OSGIN1: variants seen among roughly 807,000 people sequenced by gnomAD.
The protein encoded by OSGIN1 is oxidative stress induced growth inhibitor 1.
OSGIN1 carries 19 observed loss-of-function variants against 20.1 expected under a neutral mutation model. The observed-to-expected ratio is 0.95, with a 90% CI of 0.66 to 1.39. The LOEUF is 1.39. Among genes scored for constraint, OSGIN1 ranks in the 40% most tolerant of loss-of-function variants. The probability of loss-of-function intolerance (pLI) is 0.00; values close to 1 mark genes in which losing one functional copy is unlikely to be tolerated. For synonymous variants in OSGIN1, 368 were observed against 297.8 expected (o/e 1.24, Z -2.43); for missense variants, 820 against 653.0 (o/e 1.26, Z -2.79).
Position 83,965,697 on chromosome 16 carries a change from C to T in OSGIN1, c.1124C>T (p.Ala375Val). The change falls in exon 6 of 6, where the codon GCC becomes GTC. Residue 375 changes from alanine (A) to valine (V), a missense_variant. Coordinates refer to ENST00000393306, the MANE Select transcript of OSGIN1 (RefSeq NM_182981.3). ...CTGTGCTTCAAGGAAGACTGCCAGG[C>T]CGTGTTCCAGGACCTCGAGGGTGTC... ...QLLCFKEDCQ[A>V]VFQDLEGVEK... 1 of 1,613,662 alleles carries T rather than the reference C, an allele frequency of 6.2e-7. No individual in the cohort carries two copies. Among genetic ancestry groups the T allele is most frequent in the Non-Finnish European group, 8.5e-7 (1 of 1,180,020 alleles).
rs970156712 is a variant in OSGIN1 at position 83,966,253 on chromosome 16, C to A, written c.*246C>A. 6 of 536,662 alleles carry A rather than the reference C, an allele frequency of 1.1e-5. No individual in the cohort carries two copies. In the Admixed American group the frequency reaches 1.8e-4, roughly 16 times the overall value. The allele number at this position is 536,662 out of a possible 1,614,324, so 33.2% of individuals were successfully genotyped here. A position where few individuals can be genotyped will look rare whatever the true frequency, so the allele number is the denominator to read the frequency against. ...TTTGTGGGGAAAGCTGCTGGTGTGA[C>A]CAGCTGAGCACCCAGCCAGGAGACC... On this transcript the variant is annotated 3_prime_UTR_variant, in exon 6 of 6. Transcript: ENST00000393306.
chr16:83,960,109 T>C (rs1446879550), intron 3 of OSGIN1, among the ~76,000 whole-genome samples: 1 of 152,146 alleles, frequency 6.6e-6, no homozygotes, highest in Admixed American at 6.5e-5. Flanking sequence ...TTCAAAGTGC[T>C]CTCTATAGAA....
In OSGIN1 at chr16:83,965,125, C is replaced by A. The variant is rs1384432780; in HGVS notation, c.552C>A (p.Val184=). Residue 184 remains valine (V), a synonymous_variant, in exon 6 of 6, where the codon GTC becomes GTA. Coordinates refer to ENST00000393306, the MANE Select transcript of OSGIN1 (RefSeq NM_182981.3). ...DIAHYYRDYV[V]KKGLGHNFVS... Reference sequence around the variant, plus strand: ...CCCACTACTACAGGGACTACGTGGTCAAGAAGGGTCTGGGGCATAACTTTG... The same window carrying A: ...CCCACTACTACAGGGACTACGTGGTAAAGAAGGGTCTGGGGCATAACTTTG... The A allele has an allele frequency of 6.2e-7, 1 of 1,613,364 alleles. No individual in the cohort carries two copies. The highest frequency in any genetic ancestry group is 1.1e-5 in the South Asian group (1 of 91,064).
At chr16:83,963,948 G>A (rs988868382) in intron 5 of OSGIN1, among the ~76,000 whole-genome samples, 1 of 148,738 alleles carries the variant, frequency 6.7e-6, no homozygotes, top group Non-Finnish European at 1.5e-5. Flanking sequence ...CTGCTGCGTG[G>A]GCTGGGAACG....
chr16:83,962,649 C>A (rs1048544908), intron 5 of OSGIN1, among the ~76,000 whole-genome samples: 2 of 152,182 alleles, frequency 1.3e-5, no homozygotes, highest in African/African-American at 4.8e-5. Flanking sequence ...TGGCTGTATA[C>A]GTTAGGGAGA....
At chr16:83,960,901 G>C in intron 4 of OSGIN1, 80 bp from the exon 5 acceptor site, 1 of 1,528,146 alleles carries the variant, frequency 6.5e-7, no homozygotes, top group Non-Finnish European at 9.0e-7. Flanking sequence ...CCCAGCCCCA[G>C]CAAAGGCCTC....
Position 83,960,695 on chromosome 16 carries a change from C to T in OSGIN1, c.331C>T (p.His111Tyr), listed in dbSNP as rs569282065. 7 of 1,613,612 alleles carry T rather than the reference C, an allele frequency of 4.3e-6. No individual in the cohort carries two copies. Among genetic ancestry groups the T allele is most frequent in the Middle Eastern group, 1.6e-4 (1 of 6,062 alleles). The change falls in exon 4 of 6, where the codon CAC becomes TAC. Residue 111 changes from histidine to tyrosine, a missense_variant. By Grantham distance (83) the His-to-Tyr change is moderately conservative. Coordinates refer to ENST00000393306, the MANE Select transcript of OSGIN1 (RefSeq NM_182981.3). ...GNMKSVLTWK[H>Y]RKEHAIPHVV... ...CATGAAGTCGGTCCTCACCTGGAAGCACCGGAAGGAGCACGCCATCCCCCA... is the reference window on the plus strand; with the variant it reads ...CATGAAGTCGGTCCTCACCTGGAAGTACCGGAAGGAGCACGCCATCCCCCA...
chr16:83,954,767 G>T, intron 1 of OSGIN1: 1 of 984,644 alleles, frequency 1.0e-6, no homozygotes. Flanking sequence ...GTAAACCAGT[G>T]TCCTCTGCTG....
intron 5 of OSGIN1, 123 bp from the exon 6 acceptor site, chr16:83,964,939 A>G: frequency 1.4e-6 from 1 of 694,238 alleles, no homozygotes; most frequent in South Asian, 1.8e-5. Flanking sequence ...TACCTGGCCT[A>G]GTCCTACAGC....
chr16:83,961,508 C>T (rs10153054), intron 5 of OSGIN1, among the ~76,000 whole-genome samples: 12,544 of 152,158 alleles, frequency 0.082, 959 homozygotes, highest in African/African-American at 0.19. Flanking sequence ...TGGCCCTCAG[C>T]AGTTCTCAGC....
In OSGIN1 at chr16:83,959,244, C is replaced by T. The variant is rs1909084397; in HGVS notation, c.68-16C>T. The T allele has an allele frequency of 4.3e-6, 7 of 1,611,464 alleles. No homozygotes were observed. Among genetic ancestry groups the T allele is most frequent in the Non-Finnish European group, 5.9e-6 (7 of 1,178,432 alleles). On this transcript the variant is annotated splice_polypyrimidine_tract_variant and intron_variant, in intron 2 of 5. Transcript: ENST00000393306. ...TGAAAAGGCCACCCCCTTTAACCTC[C>T]ACCCTCTCTCCCCAGGTAACGGCCC...
At chr16:83,956,502 C>T (rs903821181) in intron 1 of OSGIN1, among the ~76,000 whole-genome samples, 3 of 152,146 alleles carry the variant, frequency 2.0e-5, no homozygotes, top group African/African-American at 7.2e-5. Flanking sequence ...CTGGATGGGC[C>T]CTGGATCTCG....
At position 83,965,817 on chromosome 16, in the gene OSGIN1, A is replaced by T; in HGVS notation, c.1244A>T (p.Asp415Val). 1 of 1,612,732 alleles carries T rather than the reference A, an allele frequency of 6.2e-7. No individual in the cohort carries two copies. The change falls in exon 6 of 6, where the codon GAT becomes GTT. Residue 415 changes from aspartate (D) to valine (V), a missense_variant. Coordinates refer to ENST00000393306, the MANE Select transcript of OSGIN1 (RefSeq NM_182981.3). ...LPGAGADFAVDPDQPLSAKRN... is the reference protein window; with the variant it reads ...LPGAGADFAVVPDQPLSAKRN... ...GGGGCAGGGGCTGACTTTGCAGTGG[A>T]TCCTGACCAGCCGCTGAGCGCCAAG...
rs977567416 is a variant in OSGIN1 at position 83,965,543 on chromosome 16, C to G, written c.970C>G (p.Leu324Val). The change falls in exon 6 of 6, where the codon CTG (leucine) becomes GTG (valine). Residue 324 changes from leucine (L) to valine (V), a missense_variant. Coordinates refer to ENST00000393306, the MANE Select transcript of OSGIN1 (RefSeq NM_182981.3). ...AFRRAVDDPG[L>V]VFNQLPKMLY... ...CCGCCGGGCCGTGGACGACCCTGGCCTGGTGTTCAACCAGCTGCCCAAGAT... is the reference window on the plus strand; with the variant it reads ...CCGCCGGGCCGTGGACGACCCTGGCGTGGTGTTCAACCAGCTGCCCAAGAT... The G allele has an allele frequency of 2.5e-6, 4 of 1,612,822 alleles. 1 individual carries two copies. Among genetic ancestry groups the G allele is most frequent in the Non-Finnish European group, 1.7e-6 (2 of 1,180,012 alleles).
At position 83,960,990 on chromosome 16, in the gene OSGIN1, G is replaced by A; in HGVS notation, c.406G>A (p.Gly136Ser). The A allele has an allele frequency of 6.2e-7, 1 of 1,613,354 alleles. No individual in the cohort carries two copies. Among genetic ancestry groups the A allele is most frequent in the Non-Finnish European group, 8.5e-7 (1 of 1,179,732 alleles). ...GTTCCTTTCCCTGCAGTCCATCGAA[G>A]GCTCCATGGTGATCCTGAGCCAAGG... ...LPGGAWHSIE[G>S]SMVILSQGQW... The change falls in exon 5 of 6, where the codon GGC (glycine) becomes AGC (serine). Residue 136 changes from glycine (G) to serine (S), a missense_variant. By Grantham distance (56) the Gly-to-Ser change is moderately conservative. Transcript: ENST00000393306.
At chr16:83,955,054 C>G (rs955590572) in intron 1 of OSGIN1, among the ~76,000 whole-genome samples, 6 of 152,180 alleles carry the variant, frequency 3.9e-5, no homozygotes, top group African/African-American at 1.4e-4. Context: ...CTCTCCTAGC[C>G]TTAGTCTCCT....
chr16:83,957,859 TTTTATTTATTTA>T lies in OSGIN1; in HGVS notation c.67+145_67+156del, dbSNP rs113116538. On this transcript the variant is annotated intron_variant, in intron 2 of 5. Transcript: ENST00000393306. The stretch of plus-strand genomic sequence containing the variant: ...TCTTTTTTCGTTTTTGGGGTTTATT[TTTTATTTATTTA>T]TTTATTTATTTATTTATTTATTTGA... 81 of 367,958 alleles carry T rather than the reference TTTTATTTATTTA, an allele frequency of 2.2e-4. 4 individuals are homozygous for T. Among genetic ancestry groups the T allele is most frequent in the South Asian group, 1.2e-3 (9 of 7,448 alleles). The allele number at this position is 367,958 out of a possible 1,614,324, so 22.8% of individuals were successfully genotyped here.
At position 83,966,120 on chromosome 16, in the gene OSGIN1, GC is replaced by G; in HGVS notation, c.*114del. The G allele has an allele frequency of 1.1e-6, 1 of 885,480 alleles. No individual in the cohort carries two copies. Among genetic ancestry groups the G allele is most frequent in the Non-Finnish European group, 1.7e-6 (1 of 598,062 alleles). 54.9% of individuals were successfully genotyped at this position (885,480 alleles called of 1,614,324 possible). A position where few individuals can be genotyped will look rare whatever the true frequency, so the allele number is the denominator to read the frequency against. Reference sequence around the variant, plus strand: ...CCGGGGAGGGGTGTCAGCCCACGTTGCTGGCCTTTGGGGTCAAGAGGAGTAG... The same window carrying G: ...CCGGGGAGGGGTGTCAGCCCACGTTGTGGCCTTTGGGGTCAAGAGGAGTAG... On this transcript the variant is annotated 3_prime_UTR_variant, in exon 6 of 6. Transcript: ENST00000393306.
chr16:83,961,173 C>A, intron 5 of OSGIN1, 101 bp downstream of exon 5: 1 of 978,584 alleles, frequency 1.0e-6, no homozygotes, highest in Non-Finnish European at 1.6e-6. Flanking sequence ...TTTATTTTTC[C>A]AAGGTTGAGG....
Sources: gnomAD v4.1 joint callset for allele counts (sites outside exome capture counted in the v4.1 genomes callset) on GRCh38, gnomAD v4.1.1 for gene constraint, MANE v1.5 for transcripts, NCBI Gene and HGNC (gene_info 2026-07-23, HGNC 2026-07-21) for gene names.